The following TECPR2 variants were observed in gnomAD, a reference collection of about 807,000 sequenced individuals.
The protein encoded by TECPR2 is tectonin beta-propeller repeat-containing protein 2.
In TECPR2, 65 loss-of-function variants were observed where a neutral mutation model predicts 138.1. The ratio of observed to expected loss-of-function variants is 0.47; its 90% CI spans 0.39 to 0.58. The LOEUF is 0.58. TECPR2 is among the 20% of genes least tolerant of loss of function. TECPR2 has a pLI of 0.00. For missense variants in TECPR2, 1,553 were observed against 1,824.5 expected (o/e 0.85, Z 2.71); for synonymous variants, 746 against 749.8 (o/e 0.99, Z 0.08).
intron 2 of TECPR2, among the ~76,000 whole-genome samples, chr14:102,388,142 G>A (rs1888064625): frequency 6.6e-6 from 1 of 152,122 alleles, no homozygotes; most frequent in Admixed American, 6.6e-5. Flanking sequence ...TTTCCCTGTG[G>A]GAGTAACTTT....
chr14:102,362,952 T>C lies in TECPR2; in HGVS notation c.-237T>C, dbSNP rs1887212618. 6.8e-7 allele frequency: 1 copy of C among 1,477,534 alleles called. No individual in the cohort carries two copies. Among genetic ancestry groups the C allele is most frequent in the Non-Finnish European group, 9.3e-7 (1 of 1,074,430 alleles). The allele number at this position is 1,477,534 out of a possible 1,614,324, so 91.5% of individuals were successfully genotyped here. A position where few individuals can be genotyped will look rare whatever the true frequency, so the allele number is the denominator to read the frequency against. On this transcript the variant is annotated 5_prime_UTR_variant, in exon 1 of 20. Transcript: ENST00000359520. The stretch of plus-strand genomic sequence containing the variant: ...CCCCGCCCGCTGCCACTTGTGGCTC[T>C]GCCGCTCTAGCCCCCGGCGGAGCCA...
chr14:102,391,912 T>C (rs1888186825), intron 2 of TECPR2, among the ~76,000 whole-genome samples: 1 of 152,226 alleles, frequency 6.6e-6, no homozygotes, highest in Admixed American at 6.5e-5. Context: ...GTTTAGCCTT[T>C]ATCTCTGAAG....
chr14:102,393,254 A>G (rs1026655029), intron 2 of TECPR2, among the ~76,000 whole-genome samples: 5 of 152,264 alleles, frequency 3.3e-5, no homozygotes, highest in Non-Finnish European at 5.9e-5. Flanking sequence ...GCTTTGTTAT[A>G]TATTGCACTC....
chr14:102,466,001 T>C (rs1890543624), intron 17 of TECPR2, among the ~76,000 whole-genome samples: 1 of 152,052 alleles, frequency 6.6e-6, no homozygotes. Flanking sequence ...GGGAAACAGG[T>C]GAAGTTGCCA....
chr14:102,493,170 T>G (rs966255033), intron 17 of TECPR2, among the ~76,000 whole-genome samples: 1 of 152,218 alleles, frequency 6.6e-6, no homozygotes, highest in Non-Finnish European at 1.5e-5. Context: ...GACTTACTAT[T>G]CAAAAGCTAG....
At position 102,443,802 on chromosome 14, in the gene TECPR2, G is replaced by A. The variant is rs755485091; in HGVS notation, c.2908G>A (p.Glu970Lys). 15 of 1,597,112 alleles carry A rather than the reference G, an allele frequency of 9.4e-6. No homozygotes were observed. The highest frequency in any genetic ancestry group is 1.3e-5 in the African/African-American group (1 of 74,596). ...EGVSSFCPEG[E>K]QWKCDIVSER... is the part of the protein sequence containing the mutation. ...CGTGAGCAGCTTCTGTCCGGAAGGC[G>A]AGCAGTGGAAGTGTGACATTGTCAG... Residue 970 changes from glutamate (E) to lysine (K), a missense_variant, in exon 12 of 20, where the codon GAG becomes AAG. Glu to Lys is a moderately conservative substitution (Grantham distance 56, BLOSUM62 1). Coordinates refer to ENST00000359520, the MANE Select transcript of TECPR2 (RefSeq NM_014844.5). This position sits in a 1 kb window ranked among gnomAD's most constrained non-coding sequence, Gnocchi z 4.9.
chr14:102,362,957 C>G lies in TECPR2; in HGVS notation c.-232C>G. Reference sequence around the variant, plus strand: ...CCCGCTGCCACTTGTGGCTCTGCCGCTCTAGCCCCCGGCGGAGCCAGCTGC... The same window carrying G: ...CCCGCTGCCACTTGTGGCTCTGCCGGTCTAGCCCCCGGCGGAGCCAGCTGC... On this transcript the variant is annotated 5_prime_UTR_variant, in exon 1 of 20. Coordinates refer to ENST00000359520, the MANE Select transcript of TECPR2 (RefSeq NM_014844.5). 1 of 1,455,166 alleles carries G rather than the reference C, an allele frequency of 6.9e-7. No individual in the cohort carries two copies. The highest frequency in any genetic ancestry group is 1.2e-5 in the South Asian group (1 of 83,464). The allele number at this position is 1,455,166 out of a possible 1,614,324, so 90.1% of individuals were successfully genotyped here.
At chr14:102,488,848 G>A (rs1263357167) in intron 17 of TECPR2, among the ~76,000 whole-genome samples, 2 of 151,294 alleles carry the variant, frequency 1.3e-5, no homozygotes, top group Non-Finnish European at 2.9e-5. Context: ...GCAATGTTGT[G>A]CAACCATTGT....
chr14:102,480,851 T>TG (rs1225703686), intron 17 of TECPR2, among the ~76,000 whole-genome samples: 1 of 126,354 alleles, frequency 7.9e-6, no homozygotes, highest in Non-Finnish European at 1.6e-5. Flanking sequence ...GTTTTTTTTT[T>TG]TTTTTTTTTT....
intron 6 of TECPR2, among the ~76,000 whole-genome samples, chr14:102,426,182 G>A (rs1174149601): frequency 2.0e-5 from 3 of 151,984 alleles, no homozygotes; most frequent in Non-Finnish European, 2.9e-5. Context: ...CGCCGCGCCC[G>A]GCCGCCACTT....
chr14:102,431,746 TCAGCTCTCTCTTGGATCAC>T (rs1465899309), intron 7 of TECPR2, 31 bp from the exon 8 acceptor site: 1 of 1,501,662 alleles, frequency 6.7e-7, no homozygotes, highest in South Asian at 1.3e-5. Flanking sequence ...TAAGTGCACA[TCAGCTCTCTCTTGGATCAC>T]CAGTGGTAAA....
Position 102,363,756 on chromosome 14 carries a change from C to G in TECPR2, c.-73+640C>G, listed in dbSNP as rs1227491119. ...GCCCTACCTCACTCCGCTCCAGTTTCATCACCAGTGGAATGGAGATGAGAA... is the reference window on the plus strand; with the variant it reads ...GCCCTACCTCACTCCGCTCCAGTTTGATCACCAGTGGAATGGAGATGAGAA... On this transcript the variant is annotated intron_variant, in intron 1 of 19. Coordinates refer to ENST00000359520, the MANE Select transcript of TECPR2 (RefSeq NM_014844.5). 3.9e-5 allele frequency among the ~76,000 whole-genome samples: 6 copies of G among 152,352 alleles called. No homozygotes were observed. In the East Asian group the frequency reaches 7.7e-4, roughly 20 times the overall value.
chr14:102,408,745 T>A (rs558160208), intron 4 of TECPR2, 126 bp downstream of exon 4: 1 of 1,058,008 alleles, frequency 9.5e-7, no homozygotes, highest in African/African-American at 1.6e-5. Flanking sequence ...TCAATTGTTA[T>A]TTGTAACATT....
chr14:102,411,540 G>A (rs1381816005), intron 4 of TECPR2, among the ~76,000 whole-genome samples: 3 of 151,566 alleles, frequency 2.0e-5, no homozygotes, highest in Non-Finnish European at 4.4e-5. Context: ...AGCACCTTGC[G>A]ACCCCTGCCC....
Position 102,480,841 on chromosome 14 carries a change from G to GTTTTTT in TECPR2, c.3789+15570_3789+15575dup, listed in dbSNP as rs71119706. Among the ~76,000 whole-genome samples, 61 of 75,198 alleles carry GTTTTTT rather than the reference G, an allele frequency of 8.1e-4. 1 individual carries two copies. The highest frequency in any genetic ancestry group is 1.3e-3 in the South Asian group (2 of 1,492). The allele number at this position is 75,198 out of a possible 152,430, so 49.3% of individuals were successfully genotyped here. A position where few individuals can be genotyped will look rare whatever the true frequency, so the allele number is the denominator to read the frequency against. ...GGCCAGTTTTGTTTTTTGGTTTTGG[G>GTTTTTT]TTTTTTTTTTTTTTTTTTTTTTTGA... On this transcript the variant is annotated intron_variant, in intron 17 of 19. Transcript: ENST00000359520.
At chr14:102,472,854 T>C (rs764193534) in intron 17 of TECPR2, among the ~76,000 whole-genome samples, 11 of 152,216 alleles carry the variant, frequency 7.2e-5, no homozygotes, top group Non-Finnish European at 1.2e-4. Flanking sequence ...AGCTCCCAGG[T>C]GCTGCCCCTG....
At chr14:102,417,103 C>CA (rs1405178028) in intron 5 of TECPR2, among the ~76,000 whole-genome samples, 1 of 152,178 alleles carries the variant, frequency 6.6e-6, no homozygotes, top group African/African-American at 2.4e-5. Context: ...CTTTAGGGAA[C>CA]ATTGATTGAA....
At chr14:102,455,505 G>A (rs1320148424) in intron 16 of TECPR2, among the ~76,000 whole-genome samples, 1 of 152,206 alleles carries the variant, frequency 6.6e-6, no homozygotes, top group African/African-American at 2.4e-5. Flanking sequence ...AGAGTGCAGT[G>A]GCACGATCTT....
At chr14:102,460,896 C>G (rs756788239) in intron 16 of TECPR2, among the ~76,000 whole-genome samples, 1 of 151,838 alleles carries the variant, frequency 6.6e-6, no homozygotes, top group African/African-American at 2.4e-5. Flanking sequence ...GGGGCTTCAC[C>G]GTGTTAGCCA....
Sources: allele counts gnomAD v4.1 joint callset (sites outside exome capture counted in the v4.1 genomes callset), GRCh38; gene constraint gnomAD v4.1.1; non-coding constraint Gnocchi (gnomAD v3.1); transcripts MANE v1.5; gene names NCBI Gene and HGNC (gene_info 2026-07-23, HGNC 2026-07-21).